Variants in KCNMB4 observed in about 807,000 individuals in gnomAD.
KCNMB4 encodes potassium calcium-activated channel subfamily M regulatory beta subunit 4, also known as calcium-activated potassium channel subunit beta-4.
KCNMB4 carries 3 observed loss-of-function variants against 20.7 expected under a neutral mutation model. That is an observed-to-expected ratio of 0.14 (90% CI 0.07 to 0.37). The LOEUF is 0.37. Ranked by LOEUF, KCNMB4 falls within the 10% of genes least tolerant of loss-of-function variation. The pLI, the probability that KCNMB4 is intolerant of heterozygous loss-of-function variation, is 1.00. For synonymous variants in KCNMB4, 110 were observed against 113.4 expected (o/e 0.97, Z 0.19); for missense variants, 168 against 265.9 (o/e 0.63, Z 2.56).
intron 1 of KCNMB4, among the ~76,000 whole-genome samples, chr12:70,387,510 C>A (rs1787972784): frequency 1.3e-5 from 2 of 149,458 alleles, no homozygotes; most frequent in South Asian, 4.2e-4. Context: ...TCAAGCAATT[C>A]TCCTGCCTCA....
At chr12:70,418,094 G>A (rs1263929064) in intron 2 of KCNMB4, among the ~76,000 whole-genome samples, 1 of 152,170 alleles carries the variant, frequency 6.6e-6, no homozygotes, top group African/African-American at 2.4e-5. Flanking sequence ...ACCCAGGACT[G>A]TTGAGATGGT....
chr12:70,412,516 T>C (rs1868806999), intron 2 of KCNMB4, among the ~76,000 whole-genome samples: 2 of 152,218 alleles, frequency 1.3e-5, no homozygotes, highest in Non-Finnish European at 2.9e-5. Context: ...TTGTAGTTTA[T>C]TTTCCGGACG....
intron 1 of KCNMB4, among the ~76,000 whole-genome samples, chr12:70,399,275 C>A (rs1868393950): frequency 6.6e-6 from 1 of 152,146 alleles, no homozygotes; most frequent in South Asian, 2.1e-4. Context: ...TTTTTCCCTG[C>A]TCCTTAATAT....
chr12:70,366,600 C>T lies in KCNMB4; in HGVS notation c.-135C>T, dbSNP rs905208972. 2 of 506,450 alleles carry T rather than the reference C, an allele frequency of 3.9e-6. No individual in the cohort carries two copies. Among genetic ancestry groups the T allele is most frequent in the African/African-American group, 2.1e-5 (1 of 48,614 alleles). 31.4% of individuals were successfully genotyped at this position (506,450 alleles called of 1,614,324 possible). A position where few individuals can be genotyped will look rare whatever the true frequency, so the allele number is the denominator to read the frequency against. ...GCCCCTTTGTTCTCGCGCGCTCCCC[C>T]TCGCCGCCCACTCCCCTGCTGTCGC... On this transcript the variant is annotated 5_prime_UTR_variant, in exon 1 of 3. Transcript: ENST00000258111.
At chr12:70,391,102 T>C (rs1189730350) in intron 1 of KCNMB4, among the ~76,000 whole-genome samples, 2 of 152,268 alleles carry the variant, frequency 1.3e-5, no homozygotes, top group East Asian at 1.9e-4. Flanking sequence ...TGAGGAGTCC[T>C]ACCTTACATC....
chr12:70,416,415 G>A (rs1051342840), intron 2 of KCNMB4, among the ~76,000 whole-genome samples: 1 of 152,156 alleles, frequency 6.6e-6, no homozygotes, highest in Admixed American at 6.5e-5. Flanking sequence ...TTATTTACAT[G>A]TGTTTTCTTG....
intron 1 of KCNMB4, among the ~76,000 whole-genome samples, chr12:70,394,799 G>A (rs147946369): frequency 3.9e-4 from 60 of 152,118 alleles, no homozygotes; most frequent in African/African-American, 1.3e-3. Context: ...TCTGAGTAGC[G>A]GTGACTACAG....
At chr12:70,369,658 A>C (rs56910381) in intron 1 of KCNMB4, among the ~76,000 whole-genome samples, 40,554 of 152,148 alleles carry the variant, frequency 0.27, 6,801 homozygotes, top group East Asian at 0.68. Context: ...AATTACAGTA[A>C]GAGGCAGGAG....
At chr12:70,412,966 C>T (rs1868822106) in intron 2 of KCNMB4, among the ~76,000 whole-genome samples, 1 of 152,116 alleles carries the variant, frequency 6.6e-6, no homozygotes. Context: ...TATCCTGTAT[C>T]TTAAAAAACA....
intron 1 of KCNMB4, among the ~76,000 whole-genome samples, chr12:70,367,492 C>T (rs1883516760): frequency 6.6e-6 from 1 of 152,158 alleles, no homozygotes; most frequent in Non-Finnish European, 1.5e-5. Context: ...TCATCTAGAA[C>T]TCAGATGGAA....
intron 2 of KCNMB4, among the ~76,000 whole-genome samples, chr12:70,430,234 G>A (rs1315247043): frequency 6.6e-6 from 1 of 152,042 alleles, no homozygotes; most frequent in African/African-American, 2.4e-5. Context: ...CATAGCATAA[G>A]AGATACATTT....
intron 1 of KCNMB4, among the ~76,000 whole-genome samples, chr12:70,382,733 C>A (rs1405105351): frequency 6.6e-6 from 1 of 152,100 alleles, no homozygotes; most frequent in Non-Finnish European, 1.5e-5. Context: ...GTACTCTTAG[C>A]AATAAAAGAC....
At chr12:70,382,938 C>A (rs1883820227) in intron 1 of KCNMB4, among the ~76,000 whole-genome samples, 1 of 152,158 alleles carries the variant, frequency 6.6e-6, no homozygotes, top group Non-Finnish European at 1.5e-5. Context: ...CTACTACACA[C>A]CCAGGCTATA....
chr12:70,430,505 A>T lies in KCNMB4; in HGVS notation c.485A>T (p.His162Leu). ...QHQRPDDVLL[H>L]RTHDEIVLLH... Reference sequence around the variant, plus strand: ...TGCAGACCAGATGATGTGCTTCTGCATCGCACTCATGATGAGATTGTCCTC... The same window carrying T: ...TGCAGACCAGATGATGTGCTTCTGCTTCGCACTCATGATGAGATTGTCCTC... Residue 162 changes from histidine to leucine, a missense_variant, in exon 3 of 3, where the codon CAT (histidine) becomes CTT (leucine). Transcript: ENST00000258111. The T allele has an allele frequency of 1.2e-6, 2 of 1,613,242 alleles. No homozygotes were observed. Among genetic ancestry groups the T allele is most frequent in the African/African-American group, 1.3e-5 (1 of 74,992 alleles).
intron 2 of KCNMB4, among the ~76,000 whole-genome samples, chr12:70,419,710 T>C (rs1565866325): frequency 6.6e-6 from 1 of 152,142 alleles, no homozygotes; most frequent in Non-Finnish European, 1.5e-5. Context: ...GAACCAAGAA[T>C]CTTTGGGCAC....
Position 70,422,564 on chromosome 12 carries a change from T to C in KCNMB4, c.465-7921T>C, listed in dbSNP as rs543629274. ...CTAACTAGGTTGAAAATTCTCTTTC[T>C]GTTGTATTTTCAATGGAAGAGCAAC... is the stretch of plus-strand genomic sequence containing the variant. On this transcript the variant is annotated intron_variant, in intron 2 of 2. Coordinates refer to ENST00000258111, the MANE Select transcript of KCNMB4 (RefSeq NM_014505.6). The C allele has an allele frequency of 2.0e-4, 94 of 477,046 alleles. 1 individual carries two copies. Among genetic ancestry groups the C allele is most frequent in the African/African-American group, 1.8e-3 (88 of 49,090 alleles). 29.6% of individuals were successfully genotyped at this position (477,046 alleles called of 1,614,324 possible).
intron 2 of KCNMB4, among the ~76,000 whole-genome samples, chr12:70,418,974 T>C (rs1411585603): frequency 6.6e-6 from 1 of 152,118 alleles, no homozygotes; most frequent in Non-Finnish European, 1.5e-5. Flanking sequence ...CAAAGTAAAA[T>C]AAGGGGCCCC....
At position 70,366,932 on chromosome 12, in the gene KCNMB4, C is replaced by A; in HGVS notation, c.198C>A (p.Phe66Leu). The A allele has an allele frequency of 6.2e-7, 1 of 1,612,766 alleles. No individual in the cohort carries two copies. The highest frequency in any genetic ancestry group is 1.1e-5 in the South Asian group (1 of 90,926). ...CGGTGCAGCAGATCGGCGAGGTGTT[C>A]GAGTGCACCTTCACCTGTGGCGCCG... ...VLSVQQIGEVFECTFTCGADC... is the reference protein window; with the variant it reads ...VLSVQQIGEVLECTFTCGADC... The change falls in exon 1 of 3, where the codon TTC becomes TTA. Residue 66 changes from phenylalanine (F) to leucine (L), a missense_variant. By Grantham distance (22) the Phe-to-Leu change is conservative (BLOSUM62 0). Transcript: ENST00000258111.
At chr12:70,378,116 A>T (rs2136117870) in intron 1 of KCNMB4, among the ~76,000 whole-genome samples, 1 of 151,086 alleles carries the variant, frequency 6.6e-6, no homozygotes, top group East Asian at 1.9e-4. Flanking sequence ...CACCCAGCTA[A>T]TTTTTTTTTC....
Sources: allele counts gnomAD v4.1 joint callset (sites outside exome capture counted in the v4.1 genomes callset), GRCh38; gene constraint gnomAD v4.1.1; transcripts MANE v1.5; gene names NCBI Gene and HGNC (gene_info 2026-07-23, HGNC 2026-07-21).